The following FCHSD2 variants were observed in gnomAD, a reference collection of about 807,000 sequenced individuals.
FCHSD2 encodes FCH and double SH3 domains 2.
In FCHSD2, 38 loss-of-function variants were observed where a neutral mutation model predicts 108.1. The ratio of observed to expected loss-of-function variants is 0.35; its 90% confidence interval spans 0.27 to 0.46. FCHSD2 has a LOEUF of 0.46. FCHSD2 is among the 20% of genes least tolerant of loss of function. The probability of loss-of-function intolerance (pLI) is 1.00; values close to 1 mark genes in which losing one functional copy is unlikely to be tolerated. For synonymous variants in FCHSD2, 279 were observed against 314.7 expected (o/e 0.89, Z 1.20); for missense variants, 751 against 897.8 (o/e 0.84, Z 2.09).
chr11:72,989,376 G>A (rs1857368664), intron 5 of FCHSD2, among the ~76,000 whole-genome samples: 1 of 152,158 alleles, frequency 6.6e-6, no homozygotes, highest in African/African-American at 2.4e-5. Flanking sequence ...GGTAAGACAT[G>A]GAAGAGCAAC....
chr11:73,077,444 C>A (rs368915914), intron 3 of FCHSD2, among the ~76,000 whole-genome samples: 3 of 152,056 alleles, frequency 2.0e-5, no homozygotes, highest in African/African-American at 7.2e-5. Flanking sequence ...CTAGAACTCA[C>A]ATACACAGCT....
At chr11:73,021,378 T>TA (rs1238015788) in intron 3 of FCHSD2, among the ~76,000 whole-genome samples, 1 of 152,024 alleles carries the variant, frequency 6.6e-6, no homozygotes, top group Non-Finnish European at 1.5e-5. Flanking sequence ...TATGCAGCCA[T>TA]AAAAAACAAT....
chr11:72,904,755 G>A (rs1412885327), intron 9 of FCHSD2, among the ~76,000 whole-genome samples: 1 of 152,104 alleles, frequency 6.6e-6, no homozygotes, highest in African/African-American at 2.4e-5. Context: ...GCAATTGCAC[G>A]ATGCTGTTTA....
chr11:73,139,336 T>C (rs1421508256), intron 2 of FCHSD2, among the ~76,000 whole-genome samples: 1 of 152,230 alleles, frequency 6.6e-6, no homozygotes, highest in Non-Finnish European at 1.5e-5. Context: ...TGCTTCACCA[T>C]GCAAATCATC....
rs1261410592 is a variant in FCHSD2 at position 72,900,304 on chromosome 11, C to A, written c.924+2239G>T. ...GCACTGACAGGGGAGAGCTCAATAT[C>A]CACCAGTTGGGCGGCTTTTAAACTC... On this transcript the variant is annotated intron_variant, in intron 10 of 19. Coordinates refer to ENST00000409418, the MANE Select transcript of FCHSD2 (RefSeq NM_014824.3). 4.4e-6 allele frequency: 6 copies of A among 1,376,664 alleles called. No individual in the cohort carries two copies. In the Admixed American group the frequency reaches 1.1e-4, roughly 25 times the overall value. The allele number at this position is 1,376,664 out of a possible 1,614,324, so 85.3% of individuals were successfully genotyped here.
intron 6 of FCHSD2, among the ~76,000 whole-genome samples, chr11:72,987,628 A>G (rs1344276822): frequency 6.6e-6 from 1 of 152,196 alleles, no homozygotes; most frequent in Non-Finnish European, 1.5e-5. Flanking sequence ...TCATGTTAGA[A>G]GGCAATTCCT....
intron 3 of FCHSD2, chr11:73,077,767 G>T (rs985395857): frequency 1.7e-5 from 5 of 289,042 alleles, no homozygotes. Context: ...GGGAGAGAGG[G>T]ATTATAAGGA....
At chr11:73,084,006 A>G (rs1859757251) in intron 2 of FCHSD2, among the ~76,000 whole-genome samples, 1 of 152,190 alleles carries the variant, frequency 6.6e-6, no homozygotes, top group African/African-American at 2.4e-5. Context: ...CCTCCTTGCT[A>G]AAATGGGGAT....
At chr11:72,847,258 A>T (rs1861171396) in intron 14 of FCHSD2, among the ~76,000 whole-genome samples, 1 of 152,214 alleles carries the variant, frequency 6.6e-6, no homozygotes, top group South Asian at 2.1e-4. Context: ...TTGGCCCCAC[A>T]AAGTGTTGGG....
At chr11:73,111,632 GTTAT>G (rs2135546565) in intron 2 of FCHSD2, among the ~76,000 whole-genome samples, 1 of 151,840 alleles carries the variant, frequency 6.6e-6, no homozygotes, top group South Asian at 2.1e-4. Flanking sequence ...ACTTACTCCT[GTTAT>G]TTTATTTTTG....
chr11:73,076,969 G>A (rs1227973840), intron 3 of FCHSD2, among the ~76,000 whole-genome samples: 2 of 151,668 alleles, frequency 1.3e-5, no homozygotes, highest in African/African-American at 4.8e-5. Context: ...AATTAGCCAG[G>A]CATGGTGGCG....
Position 72,902,434 on chromosome 11 carries a change from T to C in FCHSD2, c.924+109A>G. The C allele has an allele frequency of 6.6e-6, 4 of 603,578 alleles. No individual in the cohort carries two copies. The South Asian group carries it at 7.8e-5, about 12-fold the overall frequency. 37.4% of individuals were successfully genotyped at this position (603,578 alleles called of 1,614,324 possible). ...GTGTCCTCACAGTTTTGTTATAAAA[T>C]TGATGAGATATACTCAGCTTTTTCT... is the stretch of plus-strand genomic sequence containing the variant. On this transcript the variant is annotated intron_variant, in intron 10 of 19. Transcript: ENST00000409418.
chr11:72,849,894 G>A lies in FCHSD2; in HGVS notation c.1309-5C>T. The A allele has an allele frequency of 6.2e-7, 1 of 1,605,408 alleles. No individual in the cohort carries two copies. Among genetic ancestry groups the A allele is most frequent in the Non-Finnish European group, 8.5e-7 (1 of 1,177,032 alleles). On this transcript the variant is annotated splice_region_variant and splice_polypyrimidine_tract_variant and intron_variant, in intron 13 of 19. Coordinates refer to ENST00000409418, the MANE Select transcript of FCHSD2 (RefSeq NM_014824.3). The stretch of plus-strand genomic sequence containing the variant: ...TCTTTCGGTATCTGCATTAAGCTAA[G>A]AAAAATTAGAAACCATTGGCTAGTT...
intron 12 of FCHSD2, among the ~76,000 whole-genome samples, chr11:72,871,602 G>A (rs961778999): frequency 1.1e-3 from 3 of 2,678 alleles, no homozygotes; most frequent in South Asian, 7.8e-3. Flanking sequence ...AGTTGGAGCT[G>A]GTGCAGTGGC....
In FCHSD2 at chr11:72,863,908, T is replaced by C. The variant is rs568572903; in HGVS notation, c.1308+3957A>G. Reference sequence around the variant, plus strand: ...TAATTGTAAAATGGTATAACCACTTTGGAAAACAGTTTGTCAGTTTCTTAA... The same window carrying C: ...TAATTGTAAAATGGTATAACCACTTCGGAAAACAGTTTGTCAGTTTCTTAA... On this transcript the variant is annotated intron_variant, in intron 13 of 19. Transcript: ENST00000409418. Among the ~76,000 whole-genome samples, 4 of 152,364 alleles carry C rather than the reference T, an allele frequency of 2.6e-5. No homozygotes were observed. The East Asian group carries it at 5.8e-4, about 22-fold the overall frequency.
chr11:72,889,408 GGC>G (rs1298351728), intron 11 of FCHSD2, among the ~76,000 whole-genome samples: 2 of 152,120 alleles, frequency 1.3e-5, no homozygotes, highest in Non-Finnish European at 2.9e-5. Flanking sequence ...GCTGATGGAG[GGC>G]TTAAGGAAAT....
intron 12 of FCHSD2, among the ~76,000 whole-genome samples, chr11:72,875,585 C>T (rs990530052): frequency 1.5e-4 from 23 of 152,168 alleles, no homozygotes; most frequent in African/African-American, 5.6e-4. Context: ...CGCCCTCCTG[C>T]CCTGGCCTCC....
intron 2 of FCHSD2, among the ~76,000 whole-genome samples, chr11:73,107,040 TA>T (rs993969572): frequency 3.9e-5 from 6 of 152,174 alleles, no homozygotes; most frequent in African/African-American, 1.2e-4. Flanking sequence ...AAAAGCTATA[TA>T]TATATATATA....
chr11:72,982,882 C>A (rs1857239495), intron 8 of FCHSD2, among the ~76,000 whole-genome samples: 1 of 151,994 alleles, frequency 6.6e-6, no homozygotes, highest in South Asian at 2.1e-4. Context: ...AAAAAATAGC[C>A]AAGCACAATG....
Sources: allele counts gnomAD v4.1 joint callset (sites outside exome capture counted in the v4.1 genomes callset), GRCh38; gene constraint gnomAD v4.1.1; transcripts MANE v1.5; gene names NCBI Gene and HGNC (gene_info 2026-07-23, HGNC 2026-07-21).